The following KATNBL1 variants were observed in gnomAD, a reference collection of about 807,000 sequenced individuals.
KATNBL1 encodes katanin regulatory subunit B1 like 1, also known as KATNB1-like protein 1.
A neutral mutation model predicts 44.7 loss-of-function variants in KATNBL1; 28 were observed. The ratio of observed to expected loss-of-function variants is 0.63; its 90% CI spans 0.46 to 0.86. The LOEUF (loss-of-function observed/expected upper bound fraction) is 0.86. Ranked by LOEUF, KATNBL1 falls within the 40% of genes least tolerant of loss-of-function variation. The pLI is 0.00. For synonymous variants in KATNBL1, 78 were observed against 114.9 expected (o/e 0.68, Z 2.06); for missense variants, 272 against 350.7 (o/e 0.78, Z 1.79).
intron 1 of KATNBL1, among the ~76,000 whole-genome samples, chr15:34,187,366 A>G (rs1889746888): frequency 6.6e-6 from 1 of 152,062 alleles, no homozygotes; most frequent in Non-Finnish European, 1.5e-5. Context: ...ACACTAAATA[A>G]AATTCTTCTT....
rs5811824 is a variant in KATNBL1 at position 34,195,690 on chromosome 15, C to CAAAAAAAAAAAAAAAAAAAAAAAAAAA, written c.-15+14260_-15+14261insTTTTTTTTTTTTTTTTTTTTTTTTTTT. Among the ~76,000 whole-genome samples, 76 of 111,350 alleles carry CAAAAAAAAAAAAAAAAAAAAAAAAAAA rather than the reference C, an allele frequency of 6.8e-4. 1 individual carries two copies. Among genetic ancestry groups the CAAAAAAAAAAAAAAAAAAAAAAAAAAA allele is most frequent in the African/African-American group, 2.6e-3 (71 of 27,270 alleles). 73.0% of individuals were successfully genotyped at this position (111,350 alleles called of 152,430 possible). A position where few individuals can be genotyped will look rare whatever the true frequency, so the allele number is the denominator to read the frequency against. ...TGGGCAACAGAGAGAGACGCCATCT[C>CAAAAAAAAAAAAAAAAAAAAAAAAAAA]AAAAAAAAAAAAAACCCAAAAAACA... On this transcript the variant is annotated intron_variant, in intron 1 of 9. Coordinates refer to ENST00000256544, the MANE Select transcript of KATNBL1 (RefSeq NM_024713.3).
Position 34,140,767 on chromosome 15 carries a change from C to A in KATNBL1, c.*1572G>T, listed in dbSNP as rs1417316076. 2 of 152,168 alleles carry A rather than the reference C, an allele frequency of 1.3e-5. No homozygotes were observed. Among genetic ancestry groups the A allele is most frequent in the Non-Finnish European group, 2.9e-5 (2 of 67,990 alleles). The allele number at this position is 152,168 out of a possible 1,614,324, so 9.4% of individuals were successfully genotyped here. On this transcript the variant is annotated 3_prime_UTR_variant, in exon 10 of 10. Coordinates refer to ENST00000256544, the MANE Select transcript of KATNBL1 (RefSeq NM_024713.3). ...ATTCCCATGTCCTGAAAACTGGCCT[C>A]TTAAATAACTCACCTCTCAAATCAC...
chr15:34,175,840 G>C (rs577515074), intron 1 of KATNBL1, among the ~76,000 whole-genome samples: 1 of 151,794 alleles, frequency 6.6e-6, no homozygotes, highest in East Asian at 1.9e-4. Flanking sequence ...ACTCCAGCCT[G>C]GGTGAGAAAA....
intron 2 of KATNBL1, among the ~76,000 whole-genome samples, chr15:34,162,706 C>T (rs372796575): frequency 2.0e-5 from 3 of 152,042 alleles, no homozygotes; most frequent in Non-Finnish European, 2.9e-5. Flanking sequence ...ACGCCCTGGG[C>T]TCAAGTGATC....
intron 2 of KATNBL1, among the ~76,000 whole-genome samples, chr15:34,156,067 C>A (rs948004373): frequency 1.1e-4 from 16 of 152,170 alleles, no homozygotes; most frequent in Admixed American, 9.8e-4. Context: ...AGTTACTAGG[C>A]AGAGTGTCCA....
chr15:34,209,760 G>A (rs1398862322), intron 1 of KATNBL1, 191 bp downstream of exon 1: 1 of 151,272 alleles, frequency 6.6e-6, no homozygotes, highest in Non-Finnish European at 1.5e-5. Context: ...CGCAGGGACC[G>A]GCAGAGGGGC....
chr15:34,202,089 G>T (rs1890188620), intron 1 of KATNBL1, among the ~76,000 whole-genome samples: 1 of 152,166 alleles, frequency 6.6e-6, no homozygotes, highest in African/African-American at 2.4e-5. Flanking sequence ...ATCGCCCATA[G>T]ATAATGAGGG....
Position 34,163,592 on chromosome 15 carries a change from TC to T in KATNBL1, c.84del (p.Ile29SerfsTer9), listed in dbSNP as rs1295315108. On this transcript the variant is annotated frameshift_variant, in exon 2 of 10. Coordinates refer to ENST00000256544, the MANE Select transcript of KATNBL1 (RefSeq NM_024713.3). LOFTEE classifies it high-confidence loss of function. ...EDHFIDLPRK[K>X]ISNFTNKNMK... ...ATGTTCTTATTAGTGAAATTAGAGA[TC>T]TTTTTTCTAGGAAGATCAATGAAAT... 1 of 1,597,442 alleles carries T rather than the reference TC, an allele frequency of 6.3e-7. No individual in the cohort carries two copies. The highest frequency in any genetic ancestry group is 8.5e-7 in the Non-Finnish European group (1 of 1,175,946).
intron 2 of KATNBL1, among the ~76,000 whole-genome samples, chr15:34,161,402 T>C (rs28406544): frequency 0.12 from 18,471 of 152,220 alleles, 1,233 homozygotes; most frequent in Non-Finnish European, 0.15. Context: ...CCAGGGACCC[T>C]TGCCCAGAGG....
chr15:34,154,080 G>C (rs977244592), intron 3 of KATNBL1, among the ~76,000 whole-genome samples: 2 of 152,130 alleles, frequency 1.3e-5, no homozygotes, highest in African/African-American at 4.8e-5. Flanking sequence ...TTTAACAAAA[G>C]ACAGCTGGGT....
intron 4 of KATNBL1, among the ~76,000 whole-genome samples, chr15:34,151,933 G>A (rs937941051): frequency 1.3e-4 from 20 of 148,962 alleles, no homozygotes; most frequent in African/African-American, 4.8e-4. Flanking sequence ...AACTGGCTTC[G>A]GTGGTCCACT....
At chr15:34,187,582 A>G (rs919807866) in intron 1 of KATNBL1, among the ~76,000 whole-genome samples, 1 of 152,098 alleles carries the variant, frequency 6.6e-6, no homozygotes, top group Non-Finnish European at 1.5e-5. Context: ...CCCCACTTCC[A>G]CCTAACATAA....
intron 1 of KATNBL1, among the ~76,000 whole-genome samples, chr15:34,169,127 CA>C (rs900026290): frequency 2.6e-5 from 4 of 151,634 alleles, no homozygotes; most frequent in Non-Finnish European, 5.9e-5. Context: ...AAAAACCCTT[CA>C]AAAAAAATCA....
At chr15:34,203,467 T>G (rs1890218853) in intron 1 of KATNBL1, among the ~76,000 whole-genome samples, 1 of 152,140 alleles carries the variant, frequency 6.6e-6, no homozygotes, top group Admixed American at 6.5e-5. Flanking sequence ...TCTTTCTGCT[T>G]AAAATATTCC....
intron 1 of KATNBL1, among the ~76,000 whole-genome samples, chr15:34,178,969 A>T (rs1889428978): frequency 1.3e-5 from 2 of 152,118 alleles, no homozygotes; most frequent in Non-Finnish European, 2.9e-5. Flanking sequence ...AGATCAGGTT[A>T]AAAAAAGAAG....
intron 4 of KATNBL1, among the ~76,000 whole-genome samples, chr15:34,148,955 A>G (rs1373965247): frequency 2.0e-5 from 3 of 152,206 alleles, no homozygotes; most frequent in African/African-American, 7.2e-5. Flanking sequence ...TTCACTAGCT[A>G]CCATTTTTCT....
chr15:34,193,223 AAAAAAAAAAAAAC>A lies in KATNBL1; in HGVS notation c.-15+16715_-15+16727del, dbSNP rs1311304406. Among the ~76,000 whole-genome samples, 662 of 135,806 alleles carry A rather than the reference AAAAAAAAAAAAAC, an allele frequency of 4.9e-3. 9 individuals carry two copies. The highest frequency in any genetic ancestry group is 0.017 in the African/African-American group (627 of 37,814). 89.1% of individuals were successfully genotyped at this position (135,806 alleles called of 152,430 possible). A position where few individuals can be genotyped will look rare whatever the true frequency, so the allele number is the denominator to read the frequency against. On this transcript the variant is annotated intron_variant, in intron 1 of 9. Coordinates refer to ENST00000256544, the MANE Select transcript of KATNBL1 (RefSeq NM_024713.3). ...CAGAGCGAGACTCCGTCTCAAAAAA[AAAAAAAAAAAAAC>A]AAAAAAAAAACTTAAGGCCAGATGC...
rs979733246 is a variant in KATNBL1 at position 34,161,653 on chromosome 15, G to A, written c.117+1907C>T. On this transcript the variant is annotated intron_variant, in intron 2 of 9. Coordinates refer to ENST00000256544, the MANE Select transcript of KATNBL1 (RefSeq NM_024713.3). ...TTCCCCTATTGGCTAGGGTTGGACC[G>A]CACAGTCTAAGCTAATTCTGATAGG... 9.2e-5 allele frequency among the ~76,000 whole-genome samples: 14 copies of A among 152,142 alleles called. No homozygotes were observed. In the East Asian group the frequency reaches 1.2e-3, roughly 13 times the overall value.
At chr15:34,176,101 G>A (rs140026325) in intron 1 of KATNBL1, among the ~76,000 whole-genome samples, 54 of 152,290 alleles carry the variant, frequency 3.5e-4, no homozygotes, top group African/African-American at 5.8e-4. Flanking sequence ...GTGGCCAGGC[G>A]TGGTGGCTCA....
Sources: gnomAD v4.1 joint callset for allele counts (sites outside exome capture counted in the v4.1 genomes callset) on GRCh38, gnomAD v4.1.1 for gene constraint, MANE v1.5 for transcripts, NCBI Gene and HGNC (gene_info 2026-07-23, HGNC 2026-07-21) for gene names.